The following PRKN variants were observed in gnomAD, a reference collection of about 807,000 sequenced individuals.
PRKN encodes the protein E3 ubiquitin-protein ligase parkin.
PRKN carries 56 observed loss-of-function variants against 59.5 expected under a neutral mutation model. The observed-to-expected ratio is 0.94, with a 90% CI of 0.76 to 1.18. The LOEUF is 1.18. PRKN is among the 50% of genes most tolerant of loss of function. The pLI is 0.00. For synonymous variants in PRKN, 250 were observed against 222.1 expected, an observed-to-expected ratio of 1.13 and a Z score of -1.12; for missense variants, 657 against 596.4, an observed-to-expected ratio of 1.10 and a Z score of -1.06.
At chr6:161,947,567 T>G (rs1779827712) in intron 6 of PRKN, among the ~76,000 whole-genome samples, 1 of 152,156 alleles carries the variant, frequency 6.6e-6, no homozygotes, top group East Asian at 1.9e-4. Context: ...CCTTCACACC[T>G]GCCTGGCCCG....
chr6:162,278,875 G>A (rs1346826549), intron 2 of PRKN, among the ~76,000 whole-genome samples: 1 of 144,274 alleles, frequency 6.9e-6, no homozygotes, highest in Non-Finnish European at 1.6e-5. Context: ...GGGAGACAAA[G>A]AAAGATAAAG....
chr6:162,528,711 C>T (rs13196048), intron 1 of PRKN, among the ~76,000 whole-genome samples: 14,678 of 94,890 alleles, frequency 0.15, 805 homozygotes, highest in Middle Eastern at 0.33. Context: ...ATTGATTCTA[C>T]GAGTCCTGAA....
intron 6 of PRKN, among the ~76,000 whole-genome samples, chr6:161,942,641 C>T (rs1779608225): frequency 6.6e-6 from 1 of 152,192 alleles, no homozygotes; most frequent in African/African-American, 2.4e-5. Flanking sequence ...TTGCAAATTG[C>T]TCCCATTATA....
chr6:162,503,132 A>ATTTTTTTT (rs1314559813), intron 1 of PRKN, among the ~76,000 whole-genome samples: 2 of 86,584 alleles, frequency 2.3e-5, no homozygotes, highest in African/African-American at 8.7e-5. Context: ...AATAGTCTTC[A>ATTTTTTTT]TTTCTTTTTT....
intron 5 of PRKN, among the ~76,000 whole-genome samples, chr6:161,974,595 A>G (rs1257280482): frequency 1.3e-5 from 2 of 152,054 alleles, no homozygotes; most frequent in African/African-American, 4.8e-5. Context: ...TTGGCCAGCA[A>G]TTGCTTTACT....
At chr6:162,051,435 G>A (rs987515891) in intron 5 of PRKN, among the ~76,000 whole-genome samples, 2 of 152,164 alleles carry the variant, frequency 1.3e-5, no homozygotes, top group African/African-American at 2.4e-5. Context: ...ACTTTCCGCC[G>A]CAGGTACACC....
At chr6:162,312,398 T>C (rs1583358722) in intron 2 of PRKN, among the ~76,000 whole-genome samples, 1 of 152,128 alleles carries the variant, frequency 6.6e-6, no homozygotes, top group Non-Finnish European at 1.5e-5. Flanking sequence ...TAGAATCCCA[T>C]TCCTACCCAG....
At chr6:162,290,002 A>G (rs1410109812) in intron 2 of PRKN, among the ~76,000 whole-genome samples, 2 of 152,164 alleles carry the variant, frequency 1.3e-5, no homozygotes, top group Non-Finnish European at 2.9e-5. Flanking sequence ...GGCTTGTGAG[A>G]AAGTTGAAAA....
Position 161,454,972 on chromosome 6 carries a change from T to A in PRKN, c.1084-68095A>T, listed in dbSNP as rs1789897933. Among the ~76,000 whole-genome samples the A allele has an allele frequency of 6.6e-6, 1 of 152,158 alleles. No individual in the cohort carries two copies. Among genetic ancestry groups the A allele is most frequent in the Non-Finnish European group, 1.5e-5 (1 of 68,036 alleles). ...TTATATTACATCTAGATTTGTCATA[T>A]CCTGTCTCTCCTATTAGAACATAGA... On this transcript the variant is annotated intron_variant, in intron 9 of 11. Transcript: ENST00000366898. This position sits in a 1 kb window ranked among gnomAD's most constrained non-coding sequence, Gnocchi z 4.6.
At position 162,217,896 on chromosome 6, in the gene PRKN, T is replaced by C. The variant is rs184912871; in HGVS notation, c.413-16644A>G. On this transcript the variant is annotated intron_variant, in intron 3 of 11. Transcript: ENST00000366898. ...TATCCCTGCTAACAGCATCTAGGAATCCTTAATCTATCCGACTTCTAAGTA... is the reference window on the plus strand; with the variant it reads ...TATCCCTGCTAACAGCATCTAGGAACCCTTAATCTATCCGACTTCTAAGTA... Among the ~76,000 whole-genome samples, 366 of 152,262 alleles carry C rather than the reference T, an allele frequency of 2.4e-3. 3 individuals carry two copies. The highest frequency in any genetic ancestry group is 8.5e-3 in the African/African-American group (353 of 41,550).
chr6:162,350,519 CA>C (rs1784580113), intron 2 of PRKN, among the ~76,000 whole-genome samples: 1 of 152,138 alleles, frequency 6.6e-6, no homozygotes, highest in Admixed American at 6.5e-5. Flanking sequence ...CAGAAACAGA[CA>C]CAAACATGTT....
chr6:162,708,094 T>C (rs569242997), intron 1 of PRKN, among the ~76,000 whole-genome samples: 1 of 152,332 alleles, frequency 6.6e-6, no homozygotes, highest in South Asian at 2.1e-4. Context: ...TTTTCAAAAT[T>C]TATTTATGGC....
At chr6:162,327,474 T>G (rs2128123703) in intron 2 of PRKN, among the ~76,000 whole-genome samples, 1 of 152,282 alleles carries the variant, frequency 6.6e-6, no homozygotes, top group South Asian at 2.1e-4. Context: ...GACAATGGTC[T>G]TCTCTACAGT....
At chr6:161,669,999 G>C in intron 7 of PRKN, among the ~76,000 whole-genome samples, 1 of 152,336 alleles carries the variant, frequency 6.6e-6, no homozygotes, top group South Asian at 2.1e-4. Context: ...CTGGATCTCA[G>C]TCTGGCATCC....
At chr6:162,339,744 T>A (rs895638836) in intron 2 of PRKN, among the ~76,000 whole-genome samples, 1 of 152,086 alleles carries the variant, frequency 6.6e-6, no homozygotes, top group South Asian at 2.1e-4. Context: ...TTGCCGTGTC[T>A]GTGTAGAAAG....
chr6:162,109,664 C>T (rs895694177), intron 4 of PRKN, among the ~76,000 whole-genome samples: 1 of 152,190 alleles, frequency 6.6e-6, no homozygotes, highest in Non-Finnish European at 1.5e-5. Flanking sequence ...CACTCCTCTG[C>T]TATTTATAGT....
intron 8 of PRKN, among the ~76,000 whole-genome samples, chr6:161,555,411 C>T (rs570924517): frequency 4.0e-5 from 5 of 126,174 alleles, no homozygotes; most frequent in East Asian, 3.3e-4. Context: ...TACCTTGTTC[C>T]TTTGCTGTTG....
At chr6:162,333,866 G>A (rs1038039685) in intron 2 of PRKN, among the ~76,000 whole-genome samples, 1 of 152,172 alleles carries the variant, frequency 6.6e-6, no homozygotes, top group African/African-American at 2.4e-5. Flanking sequence ...AGTTGTGAAT[G>A]CTAAGAAAAC....
intron 6 of PRKN, among the ~76,000 whole-genome samples, chr6:161,816,589 A>C (rs1791791828): frequency 6.6e-6 from 1 of 152,156 alleles, no homozygotes; most frequent in African/African-American, 2.4e-5. Flanking sequence ...AAAGATTTTC[A>C]TATGTGGCTG....
Sources: allele counts gnomAD v4.1 joint callset (sites outside exome capture counted in the v4.1 genomes callset), GRCh38; gene constraint gnomAD v4.1.1; non-coding constraint Gnocchi (gnomAD v3.1); transcripts MANE v1.5; gene names NCBI Gene and HGNC (gene_info 2026-07-23, HGNC 2026-07-21).